CDH12: variants seen among roughly 807,000 people sequenced by gnomAD.
CDH12 encodes cadherin-12.
Under a neutral mutation model 74.1 loss-of-function variants are expected in CDH12, and 41 were observed. That is an observed-to-expected ratio of 0.55 (90% confidence interval 0.43 to 0.72). CDH12 has a LOEUF of 0.72. CDH12 is among the 30% of genes least tolerant of loss of function. CDH12 has a pLI of 0.00. For synonymous variants in CDH12, 399 were observed against 355.0 expected (o/e 1.12, Z -1.39); for missense variants, 945 against 977.2 (o/e 0.97, Z 0.44).
intron 6 of CDH12, among the ~76,000 whole-genome samples, chr5:21,924,589 CCTGT>C (rs1561302916): frequency 1.3e-5 from 2 of 152,128 alleles, no homozygotes; most frequent in African/African-American, 2.4e-5. Flanking sequence ...TATCTTCAGT[CCTGT>C]CTAAGTTCTA....
rs1270341020 is a variant in CDH12, at chr5:21,803,915, T to C, written c.1003-1495A>G. Among the ~76,000 whole-genome samples, 3 of 152,146 alleles carry C rather than the reference T, an allele frequency of 2.0e-5. No homozygotes were observed. The South Asian group carries it at 6.2e-4, about 31-fold the overall frequency. On this transcript the variant is annotated intron_variant, in intron 9 of 14. Transcript: ENST00000382254. ...CAAAAACAAAAACAAAAAAACACTT[T>C]TAAATCTTCGAAAACTCACAATTTC... is the stretch of plus-strand genomic sequence containing the variant.
chr5:22,102,132 T>C (rs1188915581), intron 4 of CDH12, among the ~76,000 whole-genome samples: 1 of 152,182 alleles, frequency 6.6e-6, no homozygotes, highest in East Asian at 1.9e-4. Context: ...GGCGTCAGAC[T>C]TTCCCCATCT....
intron 1 of CDH12, among the ~76,000 whole-genome samples, chr5:22,736,406 A>T (rs1744727372): frequency 6.6e-6 from 1 of 151,944 alleles, no homozygotes; most frequent in Admixed American, 6.6e-5. Flanking sequence ...AGATATTTGC[A>T]AGAAAGGTAA....
At chr5:22,568,046 ATGTAAT>A (rs1234613653) in intron 1 of CDH12, among the ~76,000 whole-genome samples, 33 of 152,330 alleles carry the variant, frequency 2.2e-4, no homozygotes, top group African/African-American at 7.7e-4. Flanking sequence ...GTAATTTAAT[ATGTAAT>A]TGTTAAACAG....
At chr5:22,433,248 G>A (rs1328708628) in intron 2 of CDH12, among the ~76,000 whole-genome samples, 1 of 151,930 alleles carries the variant, frequency 6.6e-6, no homozygotes, top group Non-Finnish European at 1.5e-5. Flanking sequence ...ATCAACGTTG[G>A]TATACTATTC....
At chr5:22,129,205 C>T (rs112952201) in intron 4 of CDH12, among the ~76,000 whole-genome samples, 18,589 of 152,194 alleles carry the variant, frequency 0.12, 1,237 homozygotes, top group South Asian at 0.16. Context: ...AGGTGACAGA[C>T]TGGCTTGATT....
intron 1 of CDH12, among the ~76,000 whole-genome samples, chr5:22,837,833 T>G (rs891913865): frequency 3.9e-5 from 6 of 152,182 alleles, no homozygotes; most frequent in Admixed American, 3.9e-4. Context: ...ATTTTGCTAT[T>G]TCTTTGACGT....
At chr5:21,829,611 A>G (rs1404838999) in intron 8 of CDH12, among the ~76,000 whole-genome samples, 1 of 152,168 alleles carries the variant, frequency 6.6e-6, no homozygotes, top group Non-Finnish European at 1.5e-5. Flanking sequence ...CCTTGTCTAT[A>G]TAATTTCTAA....
intron 1 of CDH12, among the ~76,000 whole-genome samples, chr5:22,677,495 A>G (rs1344338777): frequency 6.6e-6 from 1 of 152,140 alleles, no homozygotes; most frequent in Admixed American, 6.6e-5. Flanking sequence ...CACTAATCCC[A>G]TTCATGAGAG....
chr5:21,836,707 T>A (rs1356730090), intron 8 of CDH12, among the ~76,000 whole-genome samples: 6 of 151,906 alleles, frequency 3.9e-5, no homozygotes, highest in Admixed American at 2.0e-4. Context: ...TAGATCAGCT[T>A]GTTAGATGGT....
At chr5:22,343,414 CTGT>C (rs541157342) in intron 3 of CDH12, among the ~76,000 whole-genome samples, 110 of 149,834 alleles carry the variant, frequency 7.3e-4, no homozygotes, top group African/African-American at 1.9e-3. Context: ...TTTTTTCATT[CTGT>C]TGTTGTTGTT....
At chr5:22,238,722 G>A (rs1468190746) in intron 3 of CDH12, among the ~76,000 whole-genome samples, 2 of 152,182 alleles carry the variant, frequency 1.3e-5, no homozygotes, top group Admixed American at 1.3e-4. Flanking sequence ...CAGGAGGAAT[G>A]CATGCATTTA....
intron 1 of CDH12, among the ~76,000 whole-genome samples, chr5:22,681,503 G>A (rs751855554): frequency 6.6e-6 from 1 of 151,922 alleles, no homozygotes; most frequent in Non-Finnish European, 1.5e-5. Flanking sequence ...TGCAAGATCG[G>A]GATCTGTCAC....
At chr5:22,524,262 T>C (rs956706889) in intron 1 of CDH12, among the ~76,000 whole-genome samples, 2 of 152,158 alleles carry the variant, frequency 1.3e-5, no homozygotes, top group African/African-American at 2.4e-5. Context: ...GCTGGGATTA[T>C]AGGTGTGAGA....
At chr5:22,637,478 C>G (rs1386034736) in intron 1 of CDH12, among the ~76,000 whole-genome samples, 1 of 152,210 alleles carries the variant, frequency 6.6e-6, no homozygotes, top group Non-Finnish European at 1.5e-5. Context: ...AACATTTTCT[C>G]TAACAAGCAC....
At chr5:21,960,608 A>C (rs1290656273) in intron 6 of CDH12, among the ~76,000 whole-genome samples, 2 of 152,192 alleles carry the variant, frequency 1.3e-5, no homozygotes, top group African/African-American at 4.8e-5. Flanking sequence ...CAAAAAAATC[A>C]GACTGTAAAA....
intron 1 of CDH12, among the ~76,000 whole-genome samples, chr5:22,822,137 T>A (rs1749736452): frequency 3.3e-5 from 5 of 151,908 alleles, no homozygotes; most frequent in Admixed American, 3.3e-4. Context: ...GGGGAAAGGA[T>A]TCCCTATTTA....
At chr5:22,089,943 C>T (rs964439453) in intron 4 of CDH12, among the ~76,000 whole-genome samples, 3 of 151,606 alleles carry the variant, frequency 2.0e-5, no homozygotes, top group South Asian at 4.2e-4. Context: ...ACTGTAAGTG[C>T]CTACATTTAA....
chr5:22,296,503 G>C (rs1737629045), intron 3 of CDH12, among the ~76,000 whole-genome samples: 1 of 152,058 alleles, frequency 6.6e-6, no homozygotes, highest in Non-Finnish European at 1.5e-5. Flanking sequence ...ATTTGTGACG[G>C]ATACTTAGAG....
Sources: gnomAD v4.1 joint callset for allele counts (sites outside exome capture counted in the v4.1 genomes callset) on GRCh38, gnomAD v4.1.1 for gene constraint, MANE v1.5 for transcripts, NCBI Gene and HGNC (gene_info 2026-07-23, HGNC 2026-07-21) for gene names.